Variants in RIT2 observed in about 807,000 individuals in gnomAD.
RIT2 encodes the protein Ras like without CAAX 2, also known as GTP-binding protein Rit2.
Under a neutral mutation model 23.7 loss-of-function variants are expected in RIT2, and 24 were observed. The observed-to-expected ratio is 1.01, with a 90% CI of 0.73 to 1.43. The LOEUF is 1.43. Among genes scored for constraint, RIT2 ranks in the 40% most tolerant of loss-of-function variants. The pLI, the probability that RIT2 is intolerant of heterozygous loss-of-function variation, is 0.00. For missense variants in RIT2, 236 were observed against 266.9 expected (o/e 0.88, Z 0.81); for synonymous variants, 107 against 91.1 (o/e 1.17, Z -0.99).
intron 4 of RIT2, among the ~76,000 whole-genome samples, chr18:42,766,396 T>C (rs940106622): frequency 2.6e-5 from 4 of 152,172 alleles, no homozygotes; most frequent in African/African-American, 9.6e-5. Flanking sequence ...ACTGGAGGCA[T>C]TTTGCCCCTG....
At chr18:43,044,991 T>A (rs1239296508) in intron 1 of RIT2, among the ~76,000 whole-genome samples, 1 of 152,162 alleles carries the variant, frequency 6.6e-6, no homozygotes, top group African/African-American at 2.4e-5. Flanking sequence ...ATATTACCAG[T>A]CATTATTTAT....
intron 4 of RIT2, among the ~76,000 whole-genome samples, chr18:42,851,101 C>A (rs2144036169): frequency 6.6e-6 from 1 of 152,244 alleles, no homozygotes; most frequent in Non-Finnish European, 1.5e-5. Context: ...CCAAACTTTA[C>A]CTAATCTTGT....
At chr18:43,064,664 A>G (rs1192424714) in intron 1 of RIT2, among the ~76,000 whole-genome samples, 1 of 152,174 alleles carries the variant, frequency 6.6e-6, no homozygotes, top group Non-Finnish European at 1.5e-5. Flanking sequence ...TTCTGAAAGA[A>G]CAATGGTCCC....
chr18:42,827,475 C>T (rs546021352), intron 4 of RIT2, among the ~76,000 whole-genome samples: 17 of 151,638 alleles, frequency 1.1e-4, no homozygotes, highest in South Asian at 4.2e-4. Context: ...AAAAATCAAA[C>T]GCTTTTTTTA....
intron 2 of RIT2, among the ~76,000 whole-genome samples, chr18:42,999,544 T>C (rs1308810028): frequency 6.6e-6 from 1 of 152,010 alleles, no homozygotes; most frequent in Non-Finnish European, 1.5e-5. Context: ...TTGTTTCCAC[T>C]GGAGAAAAAG....
intron 2 of RIT2, among the ~76,000 whole-genome samples, chr18:43,021,883 G>GGAAA (rs1390859829): frequency 3.3e-5 from 5 of 151,962 alleles, no homozygotes; most frequent in African/African-American, 1.2e-4. Flanking sequence ...CAACCATTAT[G>GGAAA]GAAAACAGTA....
intron 4 of RIT2, among the ~76,000 whole-genome samples, chr18:42,920,245 T>C (rs1909021303): frequency 6.6e-6 from 1 of 152,146 alleles, no homozygotes; most frequent in Admixed American, 6.6e-5. Context: ...CATGATAAAA[T>C]GACAATGGTT....
At chr18:42,892,982 C>T (rs1018177917) in intron 4 of RIT2, among the ~76,000 whole-genome samples, 7 of 152,168 alleles carry the variant, frequency 4.6e-5, no homozygotes, top group South Asian at 2.1e-4. Context: ...AGCATGGAGG[C>T]CATTTTTGGA....
At chr18:43,024,707 A>AAAC (rs141467663) in intron 2 of RIT2, among the ~76,000 whole-genome samples, 14,790 of 150,268 alleles carry the variant, frequency 0.098, 738 homozygotes, top group East Asian at 0.16. Flanking sequence ...GAACTCAAAC[A>AAAC]AACAACAACA....
chr18:43,027,285 C>A (rs778112991), intron 2 of RIT2, among the ~76,000 whole-genome samples: 38 of 151,920 alleles, frequency 2.5e-4, no homozygotes, highest in Non-Finnish European at 4.3e-4. Flanking sequence ...TGGAGAAATG[C>A]GAAAGGCACT....
chr18:42,915,598 G>A (rs1032718484), intron 4 of RIT2, among the ~76,000 whole-genome samples: 2 of 152,098 alleles, frequency 1.3e-5, no homozygotes, highest in African/African-American at 4.8e-5. Flanking sequence ...TTTAAATAAA[G>A]AGGGAAAGCA....
chr18:42,869,225 A>G (rs1009724650), intron 4 of RIT2, among the ~76,000 whole-genome samples: 2 of 152,176 alleles, frequency 1.3e-5, no homozygotes, highest in Non-Finnish European at 2.9e-5. Flanking sequence ...CAGGCGTTAG[A>G]TTCTCAAAAG....
intron 4 of RIT2, among the ~76,000 whole-genome samples, chr18:42,812,457 T>C (rs1173147702): frequency 6.6e-6 from 1 of 152,174 alleles, no homozygotes; most frequent in East Asian, 1.9e-4. Context: ...TGGTTCATAT[T>C]GAATGAGTAA....
At chr18:42,748,515 A>G (rs954376039) in intron 4 of RIT2, among the ~76,000 whole-genome samples, 6 of 152,042 alleles carry the variant, frequency 3.9e-5, no homozygotes, top group African/African-American at 7.2e-5. Flanking sequence ...TACAAACACT[A>G]TGTAAAACAG....
At chr18:42,969,815 C>G (rs2144198491) in intron 3 of RIT2, among the ~76,000 whole-genome samples, 1 of 152,012 alleles carries the variant, frequency 6.6e-6, no homozygotes, top group East Asian at 1.9e-4. Flanking sequence ...TTTTAAAATA[C>G]TTTATCTTTA....
At chr18:42,905,598 A>C (rs1385905747) in intron 4 of RIT2, among the ~76,000 whole-genome samples, 3 of 151,984 alleles carry the variant, frequency 2.0e-5, no homozygotes, top group Non-Finnish European at 4.4e-5. Flanking sequence ...TCAGTCTCCC[A>C]AGTAGCTGGG....
chr18:43,107,692 C>G (rs532916258), intron 1 of RIT2, among the ~76,000 whole-genome samples: 2 of 152,186 alleles, frequency 1.3e-5, no homozygotes, highest in East Asian at 3.9e-4. Context: ...CCAGGGGTCT[C>G]TGAATAGACA....
intron 2 of RIT2, among the ~76,000 whole-genome samples, chr18:42,987,604 G>C (rs1910741323): frequency 6.6e-6 from 1 of 152,146 alleles, no homozygotes; most frequent in Non-Finnish European, 1.5e-5. Context: ...GCATAAATAA[G>C]AATATTTATA....
chr18:42,862,716 A>G (rs982053409), intron 4 of RIT2, among the ~76,000 whole-genome samples: 1 of 152,200 alleles, frequency 6.6e-6, no homozygotes, highest in Non-Finnish European at 1.5e-5. Context: ...CGCATCATGC[A>G]TTACACTTCA....
Sources: allele counts gnomAD v4.1 joint callset (sites outside exome capture counted in the v4.1 genomes callset), GRCh38; gene constraint gnomAD v4.1.1; transcripts MANE v1.5; gene names NCBI Gene and HGNC (gene_info 2026-07-23, HGNC 2026-07-21).